Variants in UNC79 observed in about 807,000 individuals in gnomAD.
UNC79 encodes the protein unc-79 subunit of NALCN channel complex, also known as protein unc-79 homolog.
A neutral mutation model predicts 283.1 loss-of-function variants in UNC79; 37 were observed. The ratio of observed to expected loss-of-function variants is 0.13; its 90% confidence interval spans 0.10 to 0.17. The LOEUF is 0.17. UNC79 is among the 10% of genes least tolerant of loss of function. The pLI, the probability that UNC79 is intolerant of heterozygous loss-of-function variation, is 1.00. For synonymous variants in UNC79, 1,107 were observed against 1,200.2 expected (o/e 0.92, Z 1.61); for missense variants, 2,272 against 3,211.1 (o/e 0.71, Z 7.07).
chr14:93,349,804 G>T (rs72708593), intron 1 of UNC79, among the ~76,000 whole-genome samples: 19,495 of 152,056 alleles, frequency 0.13, 1,627 homozygotes, highest in African/African-American at 0.24. Flanking sequence ...ATGTCCTTGT[G>T]GTTAAGGTTC....
intron 31 of UNC79, among the ~76,000 whole-genome samples, chr14:93,636,530 A>G (rs984894522): frequency 6.6e-5 from 10 of 152,188 alleles, no homozygotes; most frequent in African/African-American, 2.2e-4. Flanking sequence ...AGATGTGGCC[A>G]TGTAGGCACC....
chr14:93,600,792 C>A (rs749298291), intron 25 of UNC79, 22 bp downstream of exon 25: 6 of 1,606,846 alleles, frequency 3.7e-6, no homozygotes, highest in African/African-American at 1.3e-5. Flanking sequence ...GAAGAACTTG[C>A]TGTAAACCGT....
chr14:93,392,984 A>G (rs750065948), intron 1 of UNC79, among the ~76,000 whole-genome samples: 20 of 152,214 alleles, frequency 1.3e-4, no homozygotes, highest in African/African-American at 7.2e-5. Context: ...TTGGGTCACC[A>G]TTCTGAAGAC....
downstream of UNC79, chr14:93,707,876 A>G (rs1395542739): frequency 6.6e-6 from 1 of 152,164 alleles, no homozygotes; most frequent in African/African-American, 2.4e-5. Flanking sequence ...GTTTTTTATT[A>G]TCTTTGTGAG....
rs1417961607 is a variant in UNC79, at chr14:93,617,301, C to T, written c.4221C>T (p.Tyr1407=). The T allele has an allele frequency of 2.2e-5, 35 of 1,613,976 alleles. No individual in the cohort carries two copies. In the East Asian group the frequency reaches 7.8e-4, roughly 36 times the overall value. ...TGAAGGCCTTGCTTGTCATCCTTTA[C>T]AAGGTGAGCTGGGTGGTCACTGCTG... The change falls in exon 28 of 49, where the codon TAC becomes TAT. Residue 1407 remains tyrosine, a synonymous_variant. Transcript: ENST00000555664. The surrounding 1 kb of genome is among the most constrained non-coding windows in gnomAD (Gnocchi z 4.5).
At chr14:93,442,173 G>A (rs1227038967) in intron 1 of UNC79, among the ~76,000 whole-genome samples, 1 of 151,700 alleles carries the variant, frequency 6.6e-6, no homozygotes, top group East Asian at 1.9e-4. Context: ...ATGATTCATT[G>A]TTGGGTCATG....
chr14:93,400,789 A>G (rs907025410), intron 1 of UNC79, among the ~76,000 whole-genome samples: 2 of 152,202 alleles, frequency 1.3e-5, no homozygotes, highest in Non-Finnish European at 2.9e-5. Flanking sequence ...AGGGATTTCA[A>G]TGATTCGGAT....
intron 39 of UNC79, among the ~76,000 whole-genome samples, 163 bp from the exon 43 acceptor site, chr14:93,662,441 C>T (rs1473905835): frequency 6.6e-6 from 1 of 152,124 alleles, no homozygotes; most frequent in Admixed American, 6.5e-5. Context: ...AGGTGCAGTT[C>T]TGTTTTTATT....
At chr14:93,396,666 A>T (rs1314889935) in intron 1 of UNC79, among the ~76,000 whole-genome samples, 1 of 151,946 alleles carries the variant, frequency 6.6e-6, no homozygotes, top group Non-Finnish European at 1.5e-5. Context: ...CTATGTGGCT[A>T]TTGAAGTCTC....
At chr14:93,364,568 T>A in intron 1 of UNC79, among the ~76,000 whole-genome samples, 4 of 47,360 alleles carry the variant, frequency 8.4e-5, no homozygotes, top group South Asian at 5.9e-4. Context: ...AGTTTCAACA[T>A]ATACAAGGAA....
chr14:93,461,180 ATCT>A (rs2056951237), intron 1 of UNC79, among the ~76,000 whole-genome samples: 1 of 152,168 alleles, frequency 6.6e-6, no homozygotes, highest in Non-Finnish European at 1.5e-5. Context: ...GGTGATTTTT[ATCT>A]TCTTCATGTT....
chr14:93,472,313 CAT>C (rs2057550955), intron 2 of UNC79, among the ~76,000 whole-genome samples: 1 of 151,900 alleles, frequency 6.6e-6, no homozygotes, highest in African/African-American at 2.4e-5. Flanking sequence ...ATAATTGAGT[CAT>C]GTGAGAAAAG....
intron 15 of UNC79, 56 bp from the exon 16 acceptor site, chr14:93,572,637 T>A: frequency 6.2e-7 from 1 of 1,605,032 alleles, no homozygotes; most frequent in Non-Finnish European, 8.5e-7. Context: ...GTGGTGGTAT[T>A]AGTAGAACCC....
chr14:93,700,656 G>T lies in UNC79; in HGVS notation c.7549-3969G>T, dbSNP rs147102557. ...TTCTTAAGCTGTATTCTGTGACATA[G>T]TTACATAACTTACAAATATCTTTAT... is the stretch of plus-strand genomic sequence containing the variant. On this transcript the variant is annotated intron_variant, in intron 47 of 48. Coordinates refer to ENST00000555664, the Ensembl canonical transcript of UNC79. Among the ~76,000 whole-genome samples the T allele has an allele frequency of 3.3e-3, 499 of 152,204 alleles. 4 individuals carry two copies. Among genetic ancestry groups the T allele is most frequent in the South Asian group, 0.021 (103 of 4,818 alleles).
intron 17 of UNC79, among the ~76,000 whole-genome samples, chr14:93,576,255 G>T (rs1343585368): frequency 1.3e-5 from 2 of 152,138 alleles, no homozygotes; most frequent in Non-Finnish European, 2.9e-5. Context: ...GATTCTTAAT[G>T]GGGTAATCTT....
intron 16 of UNC79, among the ~76,000 whole-genome samples, chr14:93,573,465 C>T (rs143365053): frequency 6.6e-6 from 1 of 152,278 alleles, no homozygotes; most frequent in African/African-American, 2.4e-5. Flanking sequence ...GAATATGGCA[C>T]ACGCTTGTAT....
At chr14:93,570,496 C>T (rs1258700647) in intron 14 of UNC79, among the ~76,000 whole-genome samples, 2 of 152,236 alleles carry the variant, frequency 1.3e-5, no homozygotes, top group Non-Finnish European at 2.9e-5. Context: ...AAAGGGAAGT[C>T]TTCCATAATA....
At chr14:93,706,586 AG>A in intron 48 of UNC79, 117 bp from the exon 52 acceptor site, 1 of 1,167,732 alleles carries the variant, frequency 8.6e-7, no homozygotes, top group Non-Finnish European at 1.2e-6. Flanking sequence ...TGCCTTCTTC[AG>A]GCCAGACAAC....
chr14:93,487,787 C>T, intron 5 of UNC79, 32 bp downstream of exon 5: 4 of 1,583,754 alleles, frequency 2.5e-6, no homozygotes, highest in Non-Finnish European at 3.5e-6. Context: ...TTGACTAATT[C>T]TAGTACCAAT....
Sources: allele counts gnomAD v4.1 joint callset (sites outside exome capture counted in the v4.1 genomes callset), GRCh38; gene constraint gnomAD v4.1.1; non-coding constraint Gnocchi (gnomAD v3.1); transcripts MANE v1.5; gene names NCBI Gene and HGNC (gene_info 2026-07-23, HGNC 2026-07-21).